NLRC5: variants seen among roughly 807,000 people sequenced by gnomAD.
NLRC5 encodes NLR family CARD domain containing 5.
Under a neutral mutation model 206.9 loss-of-function variants are expected in NLRC5, and 114 were observed. The ratio of observed to expected loss-of-function variants is 0.55; its 90% CI spans 0.47 to 0.64. The LOEUF (loss-of-function observed/expected upper bound fraction) is 0.64, where lower values mean the gene tolerates loss of function less well. NLRC5 is among the 30% of genes least tolerant of loss of function. NLRC5 has a pLI of 0.00. For synonymous variants in NLRC5, 952 were observed against 962.8 expected (o/e 0.99, Z 0.21); for missense variants, 2,008 against 2,305.5 (o/e 0.87, Z 2.64).
At chr16:56,998,227 A>AT (rs2057858302) in intron 1 of NLRC5, among the ~76,000 whole-genome samples, 1 of 147,876 alleles carries the variant, frequency 6.8e-6, no homozygotes, top group Non-Finnish European at 1.5e-5. Flanking sequence ...AAAAAAATGT[A>AT]TTAATTCTAA....
At chr16:57,049,974 G>A (rs79463047) in intron 23 of NLRC5, among the ~76,000 whole-genome samples, 1 of 151,914 alleles carries the variant, frequency 6.6e-6, no homozygotes, top group Non-Finnish European at 1.5e-5. Flanking sequence ...GGGTTCCACC[G>A]GGGAAGCCAG....
chr16:57,079,960 C>T (rs568119806), intron 46 of NLRC5, among the ~76,000 whole-genome samples: 3 of 152,284 alleles, frequency 2.0e-5, no homozygotes, highest in African/African-American at 4.8e-5. Context: ...GACCACCTTG[C>T]CTGCTTGATG....
chr16:57,059,385 C>G, intron 29 of NLRC5, 82 bp from the exon 30 acceptor site: 1 of 1,542,894 alleles, frequency 6.5e-7, no homozygotes, highest in Non-Finnish European at 8.8e-7. Flanking sequence ...CCGCTTCCCT[C>G]TCTGTGCCCT....
chr16:57,037,729 C>T (rs1017667404), intron 15 of NLRC5, among the ~76,000 whole-genome samples: 3 of 152,158 alleles, frequency 2.0e-5, no homozygotes, highest in Admixed American at 6.5e-5. Flanking sequence ...ACATGCGACC[C>T]CCTACCCCAC....
At chr16:57,081,051 G>A (rs374275291) in intron 46 of NLRC5, 47 bp from the exon 47 acceptor site, 57 of 1,517,764 alleles carry the variant, frequency 3.8e-5, no homozygotes, top group East Asian at 4.9e-5. Flanking sequence ...TCCACCCCTC[G>A]ACCTCCTTGC....
At chr16:57,022,357 C>T in intron 4 of NLRC5, 42 bp downstream of exon 4, 1 of 1,552,304 alleles carries the variant, frequency 6.4e-7, no homozygotes, top group Middle Eastern at 1.7e-4. Flanking sequence ...GTGGTGAGCA[C>T]TGTGAAGTCC....
chr16:56,999,479 C>T (rs1288423338), intron 1 of NLRC5, among the ~76,000 whole-genome samples: 1 of 152,250 alleles, frequency 6.6e-6, no homozygotes, highest in Non-Finnish European at 1.5e-5. Context: ...TACTCTGTCC[C>T]CTGCCTTACT....
chr16:57,028,594 A>G (rs532531036), intron 8 of NLRC5, among the ~76,000 whole-genome samples: 2 of 152,302 alleles, frequency 1.3e-5, no homozygotes, highest in African/African-American at 4.8e-5. Context: ...CCTTCATCTA[A>G]TATTTTAGAC....
chr16:57,051,621 A>G lies in NLRC5; in HGVS notation c.3506A>G (p.Gln1169Arg), dbSNP rs1217058778. The change falls in exon 24 of 49, where the codon CAG becomes CGG. Residue 1169 changes from glutamine to arginine, a missense_variant and splice_region_variant. Transcript: ENST00000688547. Reference protein sequence around the residue: ...LPQLPQLSLLQLSQTGLSPKS... With the variant: ...LPQLPQLSLLRLSQTGLSPKS... ...CAACTCCCTCAGCTGAGCCTGCTGC[A>G]GTAAGACGAGAGTTTTTCCTATTTC... 2 of 1,612,350 alleles carry G rather than the reference A, an allele frequency of 1.2e-6. No homozygotes were observed. Among genetic ancestry groups the G allele is most frequent in the South Asian group, 1.1e-5 (1 of 91,050 alleles).
At position 57,029,694 on chromosome 16, in the gene NLRC5, C is replaced by G; in HGVS notation, c.2244-79C>G. On this transcript the variant is annotated intron_variant, in intron 8 of 48. Coordinates refer to ENST00000688547, the MANE Select transcript of NLRC5 (RefSeq NM_001384950.1). Reference sequence around the variant, plus strand: ...TCTTATGTCTCCCACATGAGGGTGGCCATCCTGTCACTTGCTAACTGGGGC... The same window carrying G: ...TCTTATGTCTCCCACATGAGGGTGGGCATCCTGTCACTTGCTAACTGGGGC... The G allele has an allele frequency of 5.9e-6, 7 of 1,181,742 alleles. No homozygotes were observed. The South Asian group carries it at 7.6e-5, about 13-fold the overall frequency. The allele number at this position is 1,181,742 out of a possible 1,614,324, so 73.2% of individuals were successfully genotyped here. A position where few individuals can be genotyped will look rare whatever the true frequency, so the allele number is the denominator to read the frequency against.
At chr16:57,044,027 G>C (rs1300167278) in intron 20 of NLRC5, among the ~76,000 whole-genome samples, 1 of 151,884 alleles carries the variant, frequency 6.6e-6, no homozygotes, top group Non-Finnish European at 1.5e-5. Flanking sequence ...GGCCAGGCGC[G>C]GTGGCTCACG....
intron 1 of NLRC5, among the ~76,000 whole-genome samples, chr16:57,000,768 C>T (rs1357491345): frequency 6.6e-6 from 1 of 152,192 alleles, no homozygotes; most frequent in Non-Finnish European, 1.5e-5. Context: ...CCTATAAGGA[C>T]ATCTCTTGCT....
chr16:57,028,050 A>T, intron 6 of NLRC5, 22 bp from the exon 7 acceptor site: 2 of 1,595,158 alleles, frequency 1.3e-6, no homozygotes, highest in Non-Finnish European at 1.7e-6. Context: ...ATCCTCTGAC[A>T]CTTCGCTTCT....
chr16:57,028,329 A>C lies in NLRC5; in HGVS notation c.2187A>C (p.Arg729=). 6.2e-7 allele frequency: 1 copy of C among 1,614,138 alleles called. No homozygotes were observed. The highest frequency in any genetic ancestry group is 8.5e-7 in the Non-Finnish European group (1 of 1,180,004). The part of the protein sequence containing the change: ...LGLAGSKITA[R]GISHLVKALP... Reference sequence around the variant, plus strand: ...TAGCAGGAAGTAAAATCACTGCCCGAGGCATCAGCCACCTGGTGAAAGCTT... The same window carrying C: ...TAGCAGGAAGTAAAATCACTGCCCGCGGCATCAGCCACCTGGTGAAAGCTT... The change falls in exon 8 of 49, where the codon CGA becomes CGC. Residue 729 remains arginine, a synonymous_variant. Transcript: ENST00000688547.
At chr16:57,063,176 G>A (rs1176992493) in intron 32 of NLRC5, among the ~76,000 whole-genome samples, 2 of 136,542 alleles carry the variant, frequency 1.5e-5, no homozygotes, top group African/African-American at 5.7e-5. Context: ...GCACTGGCTC[G>A]ATCTCAGCTC....
chr16:57,048,634 A>ACT (rs2064345650), intron 23 of NLRC5, among the ~76,000 whole-genome samples: 6 of 152,110 alleles, frequency 3.9e-5, no homozygotes, highest in African/African-American at 1.4e-4. Context: ...CCTGGGTTCA[A>ACT]GCAATTCTCC....
intron 15 of NLRC5, among the ~76,000 whole-genome samples, chr16:57,039,293 T>TA (rs1363455950): frequency 1.3e-5 from 2 of 152,216 alleles, no homozygotes; most frequent in African/African-American, 4.8e-5. Context: ...AGGCAATAGA[T>TA]ACATTTGTGA....
chr16:57,045,982 C>T (rs1024659177), intron 21 of NLRC5, among the ~76,000 whole-genome samples: 12 of 152,232 alleles, frequency 7.9e-5, no homozygotes, highest in African/African-American at 2.9e-4. Flanking sequence ...TCTAGTGGGA[C>T]CAGGCCTCTT....
intron 32 of NLRC5, 173 bp downstream of exon 32, chr16:57,061,874 A>T: frequency 6.5e-7 from 1 of 1,535,466 alleles, no homozygotes; most frequent in South Asian, 1.2e-5. Context: ...TCCACAAGGC[A>T]CACAGAGAAA....
Sources: allele counts gnomAD v4.1 joint callset (sites outside exome capture counted in the v4.1 genomes callset), GRCh38; gene constraint gnomAD v4.1.1; transcripts MANE v1.5; gene names NCBI Gene and HGNC (gene_info 2026-07-23, HGNC 2026-07-21).